The following STXBP6 variants were observed in gnomAD, a reference collection of about 807,000 sequenced individuals.
STXBP6 encodes the protein syntaxin-binding protein 6.
A neutral mutation model predicts 26.9 loss-of-function variants in STXBP6; 21 were observed. The ratio of observed to expected loss-of-function variants is 0.78; its 90% CI spans 0.55 to 1.12. STXBP6 has a LOEUF of 1.12. Ranked by LOEUF, STXBP6 falls within the 50% of genes most tolerant of loss-of-function variation. STXBP6 has a pLI of 0.00. For missense variants in STXBP6, 232 were observed against 257.9 expected (o/e 0.90, Z 0.69); for synonymous variants, 97 against 92.6 (o/e 1.05, Z -0.27).
intron 2 of STXBP6, among the ~76,000 whole-genome samples, chr14:24,925,548 C>T (rs1293693344): frequency 6.6e-6 from 1 of 152,184 alleles, no homozygotes; most frequent in African/African-American, 2.4e-5. Context: ...CCTGTTCAGT[C>T]CAACAGCTGT....
chr14:25,016,692 G>T (rs1249537012), intron 1 of STXBP6, among the ~76,000 whole-genome samples: 1 of 152,068 alleles, frequency 6.6e-6, no homozygotes, highest in African/African-American at 2.4e-5. Flanking sequence ...GGAGACTCCT[G>T]GTTTGTGAAC....
chr14:25,024,934 G>A (rs925365207), intron 1 of STXBP6, among the ~76,000 whole-genome samples: 1 of 151,740 alleles, frequency 6.6e-6, no homozygotes, highest in Non-Finnish European at 1.5e-5. Flanking sequence ...GATTTTTTTT[G>A]TTGTTGTTTC....
intron 2 of STXBP6, among the ~76,000 whole-genome samples, chr14:24,905,685 C>T (rs982462101): frequency 1.3e-5 from 2 of 152,224 alleles, no homozygotes; most frequent in Non-Finnish European, 1.5e-5. Context: ...AAGCTGGACT[C>T]ACCTTCATTT....
At chr14:24,836,606 C>CAAAAAAAAAAA in intron 4 of STXBP6, among the ~76,000 whole-genome samples, 1 of 44,312 alleles carries the variant, frequency 2.3e-5, no homozygotes, top group Non-Finnish European at 3.8e-5. Flanking sequence ...GACTCCCTCT[C>CAAAAAAAAAAA]AAAAAAAAAA....
At chr14:24,962,224 G>A (rs1401776849) in intron 2 of STXBP6, among the ~76,000 whole-genome samples, 3 of 152,168 alleles carry the variant, frequency 2.0e-5, no homozygotes, top group African/African-American at 7.2e-5. Flanking sequence ...AGAACCTGGT[G>A]TAGACCATGT....
intron 1 of STXBP6, among the ~76,000 whole-genome samples, chr14:24,988,707 C>T (rs1026388835): frequency 5.3e-5 from 8 of 152,206 alleles, no homozygotes; most frequent in South Asian, 2.1e-4. Context: ...TTGCTTCAGC[C>T]GACGGAGACA....
intron 1 of STXBP6, among the ~76,000 whole-genome samples, chr14:25,045,292 G>C (rs1015433343): frequency 1.3e-5 from 2 of 152,024 alleles, no homozygotes; most frequent in Non-Finnish European, 2.9e-5. Context: ...TGCCCATGTT[G>C]AGAATCTCTA....
chr14:24,930,907 C>A (rs1243342557), intron 2 of STXBP6, among the ~76,000 whole-genome samples: 3 of 147,932 alleles, frequency 2.0e-5, no homozygotes, highest in Non-Finnish European at 4.5e-5. Context: ...GTCAGGAGAT[C>A]GAGACCATCC....
At chr14:24,988,592 AT>A (rs2074391317) in intron 1 of STXBP6, among the ~76,000 whole-genome samples, 1 of 152,230 alleles carries the variant, frequency 6.6e-6, no homozygotes, top group African/African-American at 2.4e-5. Flanking sequence ...AGAAAAAGCC[AT>A]GCAACATTTC....
intron 2 of STXBP6, among the ~76,000 whole-genome samples, chr14:24,911,827 A>G (rs2071585294): frequency 6.6e-6 from 1 of 152,148 alleles, no homozygotes. Flanking sequence ...TCCCTCAAAT[A>G]TGCACGTGCA....
chr14:24,851,559 T>C (rs1266466132), intron 4 of STXBP6, among the ~76,000 whole-genome samples: 2 of 152,092 alleles, frequency 1.3e-5, no homozygotes, highest in East Asian at 3.9e-4. Flanking sequence ...TGAAAGCAAG[T>C]CCCTCCTGTG....
intron 2 of STXBP6, among the ~76,000 whole-genome samples, chr14:24,909,516 C>A (rs571663390): frequency 6.6e-6 from 1 of 152,092 alleles, no homozygotes; most frequent in African/African-American, 2.4e-5. Context: ...CATGGTGGTT[C>A]GTGCCTGTAA....
rs148005629 is a variant in STXBP6 at position 24,868,023 on chromosome 14, C to T, written c.155-10866G>A. Among the ~76,000 whole-genome samples the T allele has an allele frequency of 2.8e-3, 422 of 152,162 alleles. 2 individuals are homozygous for T. The highest frequency in any genetic ancestry group is 9.6e-3 in the African/African-American group (400 of 41,520). On this transcript the variant is annotated intron_variant, in intron 2 of 5. Coordinates refer to ENST00000323944, the MANE Select transcript of STXBP6 (RefSeq NM_001394410.1). ...ACCAGCCTGGGCAACATGGTGAAAC[C>T]CTGTCTCTACAAAAAATACAGGAAC...
chr14:25,024,590 C>A (rs1278804329), intron 1 of STXBP6, among the ~76,000 whole-genome samples: 1 of 152,116 alleles, frequency 6.6e-6, no homozygotes, highest in Non-Finnish European at 1.5e-5. Context: ...AAAGGACAAT[C>A]AACAACAAAT....
At chr14:24,905,218 C>T (rs983353894) in intron 2 of STXBP6, among the ~76,000 whole-genome samples, 11 of 152,098 alleles carry the variant, frequency 7.2e-5, no homozygotes, top group African/African-American at 2.7e-4. Flanking sequence ...TCCAAAGTCC[C>T]TATCATGTCT....
At chr14:24,827,566 T>C (rs918209997) in intron 4 of STXBP6, among the ~76,000 whole-genome samples, 1 of 152,178 alleles carries the variant, frequency 6.6e-6, no homozygotes, top group Non-Finnish European at 1.5e-5. Flanking sequence ...CACACCAAAA[T>C]GCTCATGGAA....
intron 1 of STXBP6, chr14:24,987,986 A>G (rs1595260330): frequency 1.5e-6 from 1 of 651,510 alleles, no homozygotes. Context: ...GTGGGGAAGA[A>G]GAACAATCAA....
At chr14:24,994,051 A>G (rs1366742451) in intron 1 of STXBP6, among the ~76,000 whole-genome samples, 1 of 152,120 alleles carries the variant, frequency 6.6e-6, no homozygotes, top group East Asian at 1.9e-4. Context: ...TTCAGCCATC[A>G]AATATCCCAG....
chr14:24,872,696 A>G (rs1361069135), intron 2 of STXBP6, among the ~76,000 whole-genome samples: 1 of 152,168 alleles, frequency 6.6e-6, no homozygotes, highest in East Asian at 1.9e-4. Flanking sequence ...TGGTAGTGCA[A>G]TGGCTACCCT....
Sources: gnomAD v4.1 joint callset for allele counts (sites outside exome capture counted in the v4.1 genomes callset) on GRCh38, gnomAD v4.1.1 for gene constraint, MANE v1.5 for transcripts, NCBI Gene and HGNC (gene_info 2026-07-23, HGNC 2026-07-21) for gene names.